KLHL3: variants seen among roughly 807,000 people sequenced by gnomAD.
KLHL3 encodes the protein kelch-like protein 3.
Under a neutral mutation model 70.5 loss-of-function variants are expected in KLHL3, and 19 were observed. The ratio of observed to expected loss-of-function variants is 0.27; its 90% CI spans 0.19 to 0.40. The LOEUF (loss-of-function observed/expected upper bound fraction) is 0.40. Among genes scored for constraint, KLHL3 ranks in the 10% least tolerant of loss-of-function variants. KLHL3 has a pLI of 1.00. For missense variants in KLHL3, 512 were observed against 771.1 expected (o/e 0.66, Z 3.98); for synonymous variants, 258 against 290.3 (o/e 0.89, Z 1.13).
At chr5:137,672,813 T>C (rs1751794217) in intron 6 of KLHL3, 1 of 152,220 alleles carries the variant, frequency 6.6e-6, no homozygotes, top group Non-Finnish European at 1.5e-5. Context: ...TGCCCCTGGG[T>C]CACTGGGTCA....
intron 4 of KLHL3, among the ~76,000 whole-genome samples, chr5:137,694,865 G>A (rs1252676127): frequency 6.6e-6 from 1 of 152,086 alleles, no homozygotes; most frequent in Non-Finnish European, 1.5e-5. Context: ...ATCAAATGTT[G>A]GCCAGCACAA....
At chr5:137,672,881 A>G (rs1353176544) in intron 6 of KLHL3, 1 of 152,250 alleles carries the variant, frequency 6.6e-6, no homozygotes, top group Non-Finnish European at 1.5e-5. Flanking sequence ...TACAATAAAC[A>G]TGCCGTCAGC....
chr5:137,732,978 T>G (rs575336416), intron 1 of KLHL3, among the ~76,000 whole-genome samples: 1 of 152,210 alleles, frequency 6.6e-6, no homozygotes, highest in Non-Finnish European at 1.5e-5. Flanking sequence ...TTAATAGCCT[T>G]TCAAGGTAGA....
chr5:137,657,354 C>T (rs180682544), intron 8 of KLHL3, among the ~76,000 whole-genome samples: 1 of 152,292 alleles, frequency 6.6e-6, no homozygotes, highest in East Asian at 1.9e-4. Flanking sequence ...TTCCTTCCCC[C>T]AGACATCAGC....
At chr5:137,629,830 T>C (rs1406230341) in intron 12 of KLHL3, 2 of 152,220 alleles carry the variant, frequency 1.3e-5, no homozygotes, top group African/African-American at 2.4e-5. Context: ...CTTTCCTCCA[T>C]GCTCAGCAGG....
At chr5:137,627,472 TC>T (rs1750497576) in intron 13 of KLHL3, among the ~76,000 whole-genome samples, 3 of 92,238 alleles carry the variant, frequency 3.3e-5, no homozygotes, top group Non-Finnish European at 4.6e-5. Flanking sequence ...TTAGTAAATA[TC>T]ACCACCCCCC....
intron 6 of KLHL3, among the ~76,000 whole-genome samples, chr5:137,666,074 G>A (rs946462598): frequency 1.3e-5 from 2 of 152,148 alleles, no homozygotes; most frequent in African/African-American, 4.8e-5. Context: ...GAACGACTAT[G>A]TTTCTTCCAC....
chr5:137,664,395 TA>T (rs60003100), intron 6 of KLHL3, among the ~76,000 whole-genome samples: 1 of 151,416 alleles, frequency 6.6e-6, no homozygotes, highest in African/African-American at 2.4e-5. Flanking sequence ...ATATGGATAC[TA>T]AAAAAGTGTA....
chr5:137,625,630 G>T, intron 14 of KLHL3, 123 bp downstream of exon 14: 2 of 1,011,510 alleles, frequency 2.0e-6, no homozygotes. Context: ...GTCATCCCTG[G>T]AGGAGGCACT....
chr5:137,647,910 T>C (rs1328713418), intron 8 of KLHL3, among the ~76,000 whole-genome samples: 1 of 152,190 alleles, frequency 6.6e-6, no homozygotes, highest in Admixed American at 6.5e-5. Flanking sequence ...GAGCAAGACA[T>C]TGAACCTTGC....
chr5:137,671,055 G>A (rs1751746804), intron 6 of KLHL3, among the ~76,000 whole-genome samples: 1 of 151,576 alleles, frequency 6.6e-6, no homozygotes, highest in East Asian at 1.9e-4. Flanking sequence ...ATACAGTTAA[G>A]CAAATACTGA....
At chr5:137,660,815 C>G (rs1245221251) in intron 7 of KLHL3, 2 of 152,140 alleles carry the variant, frequency 1.3e-5, no homozygotes, top group Non-Finnish European at 2.9e-5. Context: ...TTGTTTATCC[C>G]CAAACAATCC....
intron 2 of KLHL3, among the ~76,000 whole-genome samples, chr5:137,711,468 A>G (rs79268871): frequency 0.054 from 8,221 of 152,300 alleles, 311 homozygotes; most frequent in Non-Finnish European, 0.078. Flanking sequence ...GACAGAAGAC[A>G]GGTTAGCCCC....
intron 2 of KLHL3, among the ~76,000 whole-genome samples, chr5:137,711,137 C>T (rs1383974235): frequency 6.6e-6 from 1 of 152,170 alleles, no homozygotes; most frequent in African/African-American, 2.4e-5. Flanking sequence ...AATGTTGAGG[C>T]CAATTAATGA....
intron 12 of KLHL3, chr5:137,628,646 G>A (rs554319310): frequency 2.2e-6 from 1 of 453,252 alleles, no homozygotes; most frequent in Non-Finnish European, 3.9e-6. Flanking sequence ...TCAAAACTTT[G>A]AAATATAATG....
At chr5:137,724,407 T>C (rs1296319916) in intron 1 of KLHL3, among the ~76,000 whole-genome samples, 2 of 152,248 alleles carry the variant, frequency 1.3e-5, no homozygotes. Context: ...TTCTGGTGTG[T>C]TGCTCTTTGC....
Position 137,627,144 on chromosome 5 carries a change from T to C in KLHL3, c.1591+1153A>G, listed in dbSNP as rs368477937. Reference sequence around the variant, plus strand: ...GAAATAACCTGTGTCCAATAGTAGATTGGTTGTTTAAATTATGATATAGTC... The same window carrying C: ...GAAATAACCTGTGTCCAATAGTAGACTGGTTGTTTAAATTATGATATAGTC... On this transcript the variant is annotated intron_variant, in intron 13 of 14. Transcript: ENST00000309755. Among the ~76,000 whole-genome samples the C allele has an allele frequency of 3.3e-4, 50 of 152,268 alleles. 1 individual carries two copies. In the South Asian group the frequency reaches 6.0e-3, roughly 18 times the overall value.
chr5:137,713,214 T>C (rs951330734), intron 2 of KLHL3, among the ~76,000 whole-genome samples: 8 of 148,280 alleles, frequency 5.4e-5, no homozygotes, highest in Admixed American at 2.0e-4. Context: ...CCTATAATCC[T>C]AGATGCTCAG....
chr5:137,641,211 A>C (rs1440647605), intron 8 of KLHL3, among the ~76,000 whole-genome samples: 2 of 152,206 alleles, frequency 1.3e-5, no homozygotes, highest in South Asian at 2.1e-4. Flanking sequence ...TCTTGAGTGG[A>C]GAGAAAGGGT....
Sources: gnomAD v4.1 joint callset for allele counts (sites outside exome capture counted in the v4.1 genomes callset) on GRCh38, gnomAD v4.1.1 for gene constraint, MANE v1.5 for transcripts, NCBI Gene and HGNC (gene_info 2026-07-23, HGNC 2026-07-21) for gene names.